Variants in RTN4 observed in about 807,000 individuals in gnomAD.
The protein encoded by RTN4 is reticulon-4.
In RTN4, 32 loss-of-function variants were observed where a neutral mutation model predicts 90.4. The observed-to-expected ratio is 0.35, with a 90% CI of 0.27 to 0.48. The LOEUF is 0.48. RTN4 is among the 20% of genes least tolerant of loss of function. The pLI is 0.99. For missense variants in RTN4, 1,706 were observed against 1,430.2 expected, an observed-to-expected ratio of 1.19 and a Z score of -3.11; for synonymous variants, 629 against 552.5, an observed-to-expected ratio of 1.14 and a Z score of -1.94.
intron 2 of RTN4, among the ~76,000 whole-genome samples, chr2:55,078,770 G>T (rs1668649730): frequency 6.6e-6 from 1 of 152,182 alleles, no homozygotes; most frequent in African/African-American, 2.4e-5. Context: ...TGGGATCATG[G>T]AAAGACGGAG....
At chr2:55,132,770 T>C in the RTN4 span, among the ~76,000 whole-genome samples, 1 of 143,940 alleles carries the variant, frequency 6.9e-6, no homozygotes, top group African/African-American at 2.6e-5. Context: ...ACCGAGGTCT[T>C]GCCACTGCAC....
At chr2:55,015,156 A>T (rs1051337497) in intron 3 of RTN4, among the ~76,000 whole-genome samples, 5 of 152,054 alleles carry the variant, frequency 3.3e-5, no homozygotes, top group African/African-American at 1.2e-4. Flanking sequence ...TGGCACCAAC[A>T]CCCGTAGTCT....
At chr2:54,974,854 C>A (rs1184261222) in intron 5 of RTN4, 90 bp from the exon 6 acceptor site, 48 of 1,029,546 alleles carry the variant, frequency 4.7e-5, no homozygotes, top group Non-Finnish European at 7.0e-5. Context: ...TAAATGCCTA[C>A]CTACAAAAGG....
At chr2:55,047,618 C>A (rs1341090307) in intron 1 of RTN4, among the ~76,000 whole-genome samples, 1 of 152,046 alleles carries the variant, frequency 6.6e-6, no homozygotes, top group Non-Finnish European at 1.5e-5. Flanking sequence ...AAATGAATCA[C>A]CTCTAACATC....
At chr2:54,975,618 TC>T (rs1677563519) in intron 5 of RTN4, among the ~76,000 whole-genome samples, 1 of 152,264 alleles carries the variant, frequency 6.6e-6, no homozygotes, top group East Asian at 1.9e-4. Flanking sequence ...CACTCTTAGC[TC>T]CCACACTATA....
Position 55,049,087 on chromosome 2 carries a change from T to C in RTN4, c.556+658A>G, listed in dbSNP as rs199805083. 5 of 985,528 alleles carry C rather than the reference T, an allele frequency of 5.1e-6. No individual in the cohort carries two copies. The South Asian group carries it at 1.9e-4, about 37-fold the overall frequency. 61.0% of individuals were successfully genotyped at this position (985,528 alleles called of 1,614,324 possible). On this transcript the variant is annotated intron_variant, in intron 1 of 8. Coordinates refer to ENST00000337526, the MANE Select transcript of RTN4 (RefSeq NM_020532.5). The stretch of plus-strand genomic sequence containing the variant: ...CGGTGGCAGGACTTTACCAGAACTC[T>C]CTCCTTCCCATTTCTCCACGCACCA...
intron 4 of RTN4, among the ~76,000 whole-genome samples, 172 bp from the exon 5 acceptor site, chr2:54,982,825 T>G (rs971703018): frequency 6.6e-5 from 10 of 152,224 alleles, no homozygotes; most frequent in Admixed American, 3.3e-4. Flanking sequence ...TTCCTTGATA[T>G]GCACTGTCTG....
intron 5 of RTN4, among the ~76,000 whole-genome samples, chr2:54,975,482 C>T (rs554146163): frequency 2.0e-5 from 3 of 152,236 alleles, no homozygotes; most frequent in East Asian, 1.9e-4. Context: ...TTATCTAAAG[C>T]GGGGATCAGC....
At chr2:55,021,278 C>T (rs906980476) in intron 3 of RTN4, among the ~76,000 whole-genome samples, 1 of 152,042 alleles carries the variant, frequency 6.6e-6, no homozygotes, top group South Asian at 2.1e-4. Context: ...AGTACCTATC[C>T]TCACTATAAC....
rs766328522 is a variant in RTN4 at position 54,982,516 on chromosome 2, T to G, written c.3359A>C (p.Lys1120Thr). 2 of 1,607,346 alleles carry G rather than the reference T, an allele frequency of 1.2e-6. No individual in the cohort carries two copies. Among genetic ancestry groups the G allele is most frequent in the Non-Finnish European group, 1.7e-6 (2 of 1,178,204 alleles). ...AAATGAAAGGCAAAATAAACTTACC[T>G]TCAGAGAATCAACTAAATCATCAAC... ...FLVDDLVDSLKFAVLMWVFTY... is the reference protein window; with the variant it reads ...FLVDDLVDSLTFAVLMWVFTY... Residue 1120 changes from lysine (K) to threonine (T), a missense_variant and splice_region_variant, in exon 5 of 9, where the codon AAG (lysine) becomes ACG (threonine). Physicochemically the swap from Lys to Thr is moderately conservative, Grantham distance 78 (BLOSUM62 -1). Coordinates refer to ENST00000337526, the MANE Select transcript of RTN4 (RefSeq NM_020532.5).
At chr2:55,018,671 G>C (rs1681212946) in intron 3 of RTN4, among the ~76,000 whole-genome samples, 1 of 152,004 alleles carries the variant, frequency 6.6e-6, no homozygotes, top group African/African-American at 2.4e-5. Context: ...ATGAAATCAG[G>C]AAAGAAAGAA....
At chr2:55,068,686 G>GC (rs1668437003) in intron 2 of RTN4, among the ~76,000 whole-genome samples, 1 of 113,824 alleles carries the variant, frequency 8.8e-6, no homozygotes, top group African/African-American at 3.2e-5. Context: ...AAAGGGGGGG[G>GC]GGTGGGGGCT....
chr2:55,011,914 T>C (rs187532486), intron 3 of RTN4, among the ~76,000 whole-genome samples: 27 of 152,294 alleles, frequency 1.8e-4, no homozygotes, highest in Admixed American at 1.0e-3. Context: ...CCCTGCATAA[T>C]GTGATATTTG....
chr2:55,063,047 C>T (rs1668328843), intron 2 of RTN4, among the ~76,000 whole-genome samples: 1 of 152,104 alleles, frequency 6.6e-6, no homozygotes, highest in Admixed American at 6.6e-5. Context: ...CTCTTATGAC[C>T]ATGGAGCTAC....
At chr2:55,042,425 G>A (rs1483217919) in intron 1 of RTN4, among the ~76,000 whole-genome samples, 1 of 152,062 alleles carries the variant, frequency 6.6e-6, no homozygotes, top group East Asian at 1.9e-4. Context: ...ATAAAATATG[G>A]TACATCCCCA....
intron 1 of RTN4, among the ~76,000 whole-genome samples, chr2:55,095,564 G>A (rs954709598): frequency 7.9e-5 from 12 of 152,082 alleles, no homozygotes; most frequent in Admixed American, 2.0e-4. Context: ...CCAGGCTGGA[G>A]TATAAGTGGC....
intron 6 of RTN4, chr2:54,974,172 C>A: frequency 6.6e-6 from 2 of 304,854 alleles, no homozygotes; most frequent in South Asian, 8.6e-5. Context: ...TATAAAGCCA[C>A]CCTTTATCTG....
Position 55,026,643 on chromosome 2 carries a change from G to A in RTN4, c.1456C>T (p.Pro486Ser). Residue 486 changes from proline (P) to serine (S), a missense_variant, in exon 3 of 9, where the codon CCT becomes TCT. By Grantham distance (74) the Pro-to-Ser change is moderately conservative. Transcript: ENST00000337526. ...TCATCGGTCTTATTTTCTGAAGTAG[G>A]ATCTCCTAACAAAGGAAAAATGTTT... ...ATNIFPLLGDPTSENKTDEKK... is the reference protein window; with the variant it reads ...ATNIFPLLGDSTSENKTDEKK... 2 of 1,612,900 alleles carry A rather than the reference G, an allele frequency of 1.2e-6. No homozygotes were observed. The highest frequency in any genetic ancestry group is 1.7e-6 in the Non-Finnish European group (2 of 1,179,824).
intron 2 of RTN4, among the ~76,000 whole-genome samples, chr2:55,079,161 G>A (rs538743702): frequency 1.3e-3 from 198 of 152,304 alleles, no homozygotes; most frequent in Non-Finnish European, 2.4e-3. Flanking sequence ...CAAAGACAAG[G>A]GAAGGGCCAA....
Sources: gnomAD v4.1 joint callset for allele counts (sites outside exome capture counted in the v4.1 genomes callset) on GRCh38, gnomAD v4.1.1 for gene constraint, MANE v1.5 for transcripts, NCBI Gene and HGNC (gene_info 2026-07-23, HGNC 2026-07-21) for gene names.